ARHGEF3: variants seen among roughly 807,000 people sequenced by gnomAD.
ARHGEF3 encodes Rho guanine nucleotide exchange factor 3, also known as 59.8 kDA protein.
In ARHGEF3, 28 loss-of-function variants were observed where a neutral mutation model predicts 63.2. The observed-to-expected ratio is 0.44, with a 90% CI of 0.33 to 0.61. The LOEUF is 0.61. Among genes scored for constraint, ARHGEF3 ranks in the 20% least tolerant of loss-of-function variants. The pLI is 0.03. For missense variants in ARHGEF3, 533 were observed against 659.3 expected (o/e 0.81, Z 2.10); for synonymous variants, 266 against 254.2 (o/e 1.05, Z -0.44).
chr3:57,049,806 C>G (rs758772613), intron 1 of ARHGEF3, among the ~76,000 whole-genome samples: 6 of 152,208 alleles, frequency 3.9e-5, no homozygotes, highest in Non-Finnish European at 4.4e-5. Flanking sequence ...GAAAGATGTG[C>G]CCCTGCCCAG....
At chr3:56,997,278 C>G (rs1187032734) in intron 2 of ARHGEF3, among the ~76,000 whole-genome samples, 1 of 152,194 alleles carries the variant, frequency 6.6e-6, no homozygotes, top group Non-Finnish European at 1.5e-5. Context: ...GCCCCCAACT[C>G]TCAATTCAGA....
intron 4 of ARHGEF3, among the ~76,000 whole-genome samples, chr3:56,878,816 G>C (rs573135227): frequency 1.3e-5 from 2 of 152,328 alleles, no homozygotes; most frequent in African/African-American, 4.8e-5. Context: ...TAGGGCCACG[G>C]AATCAGGCTG....
At chr3:56,901,006 A>T (rs553715145) in intron 3 of ARHGEF3, among the ~76,000 whole-genome samples, 21 of 152,270 alleles carry the variant, frequency 1.4e-4, no homozygotes, top group African/African-American at 4.6e-4. Context: ...TGGCCAAAGA[A>T]GTTTTTGGGT....
chr3:56,797,978 T>C (rs1245983592), intron 1 of ARHGEF3, among the ~76,000 whole-genome samples: 1 of 152,212 alleles, frequency 6.6e-6, no homozygotes, highest in Non-Finnish European at 1.5e-5. Flanking sequence ...CTGATTTTCT[T>C]TGCAGCTTTC....
At chr3:57,015,923 T>G (rs1021268764) in intron 2 of ARHGEF3, among the ~76,000 whole-genome samples, 1 of 152,076 alleles carries the variant, frequency 6.6e-6, no homozygotes, top group Non-Finnish European at 1.5e-5. Context: ...CTGGCAATGA[T>G]GAACTCTTGG....
intron 2 of ARHGEF3, among the ~76,000 whole-genome samples, chr3:57,022,131 G>A (rs56084636): frequency 0.18 from 27,233 of 151,888 alleles, 2,790 homozygotes; most frequent in East Asian, 0.39. Flanking sequence ...AAATTTAGCC[G>A]GGCACGGTGG....
intron 1 of ARHGEF3, among the ~76,000 whole-genome samples, chr3:57,055,629 G>T (rs529322145): frequency 3.3e-5 from 5 of 152,196 alleles, no homozygotes; most frequent in African/African-American, 1.2e-4. Flanking sequence ...AGTGAGGTAG[G>T]ATATACTTTT....
chr3:56,758,242 C>T (rs895118654), intron 2 of ARHGEF3, among the ~76,000 whole-genome samples: 1 of 150,880 alleles, frequency 6.6e-6, no homozygotes, highest in Non-Finnish European at 1.5e-5. Flanking sequence ...GATTGCGCCA[C>T]TGTACTCCAG....
chr3:56,805,404 T>C (rs9858322), upstream of ARHGEF3, among the ~76,000 whole-genome samples: 13,350 of 152,036 alleles, frequency 0.088, 1,048 homozygotes, highest in African/African-American at 0.21. Flanking sequence ...CCAGCTAATT[T>C]TTATATTTTT....
intron 4 of ARHGEF3, among the ~76,000 whole-genome samples, chr3:56,830,783 G>A (rs1476813463): frequency 2.0e-5 from 3 of 152,058 alleles, no homozygotes; most frequent in Non-Finnish European, 2.9e-5. Context: ...CATTTGTGCC[G>A]GCTGTTTCCT....
At chr3:56,782,649 TA>T (rs34176219) in intron 1 of ARHGEF3, among the ~76,000 whole-genome samples, 53,421 of 141,272 alleles carry the variant, frequency 0.38, 10,042 homozygotes, top group Non-Finnish European at 0.44. Context: ...ATTTCCTTCT[TA>T]AAAAAAAAAA....
At chr3:56,977,185 T>G (rs1244704153) in intron 2 of ARHGEF3, 4 of 453,642 alleles carry the variant, frequency 8.8e-6, no homozygotes, top group African/African-American at 4.0e-5. Flanking sequence ...CTCCACCAAG[T>G]TGCATCAAGA....
At chr3:56,821,673 A>G (rs537442826) in intron 4 of ARHGEF3, among the ~76,000 whole-genome samples, 1 of 152,248 alleles carries the variant, frequency 6.6e-6, no homozygotes, top group South Asian at 2.1e-4. Flanking sequence ...GACTTTACCA[A>G]AATAAAATAA....
intron 2 of ARHGEF3, among the ~76,000 whole-genome samples, chr3:56,966,057 TATG>T (rs1387698317): frequency 1.9e-4 from 29 of 152,322 alleles, no homozygotes; most frequent in African/African-American, 6.7e-4. Context: ...CATGATATGA[TATG>T]ATATATTATT....
intron 1 of ARHGEF3, among the ~76,000 whole-genome samples, chr3:56,779,291 A>G (rs567623091): frequency 6.6e-6 from 1 of 152,302 alleles, no homozygotes; most frequent in East Asian, 1.9e-4. Flanking sequence ...AAAGTGATAT[A>G]ATGCCTGGGA....
At chr3:56,871,073 GATT>G (rs1425657916) in intron 4 of ARHGEF3, among the ~76,000 whole-genome samples, 3 of 152,144 alleles carry the variant, frequency 2.0e-5, no homozygotes, top group Non-Finnish European at 1.5e-5. Flanking sequence ...ACAGTAAACT[GATT>G]ATTACACCTA....
intron 2 of ARHGEF3, among the ~76,000 whole-genome samples, chr3:57,031,685 G>A (rs1286044788): frequency 6.6e-6 from 1 of 152,198 alleles, no homozygotes; most frequent in Non-Finnish European, 1.5e-5. Context: ...ATCGTTCAAT[G>A]GGCTAGTTTT....
chr3:56,850,886 A>T (rs1446811800), intron 4 of ARHGEF3, among the ~76,000 whole-genome samples: 1 of 152,196 alleles, frequency 6.6e-6, no homozygotes, highest in Admixed American at 6.5e-5. Flanking sequence ...CAACATTATG[A>T]GGTAGGCACT....
At chr3:57,063,213 C>T (rs917825052) in intron 1 of ARHGEF3, among the ~76,000 whole-genome samples, 1 of 151,996 alleles carries the variant, frequency 6.6e-6, no homozygotes, top group African/African-American at 2.4e-5. Context: ...GGCTAGAGTG[C>T]GGTTATGAGG....
Sources: gnomAD v4.1 joint callset for allele counts (sites outside exome capture counted in the v4.1 genomes callset) on GRCh38, gnomAD v4.1.1 for gene constraint, MANE v1.5 for transcripts, NCBI Gene and HGNC (gene_info 2026-07-23, HGNC 2026-07-21) for gene names.